TICAM2: variants seen among roughly 807,000 people sequenced by gnomAD.
TICAM2 encodes TIR domain containing adaptor molecule 2.
Under a neutral mutation model 7.3 loss-of-function variants are expected in TICAM2, and 8 were observed. The observed-to-expected ratio is 1.10, with a 90% confidence interval of 0.65 to 1.99. TICAM2 has a LOEUF of 1.99. TICAM2 is among the 30% of genes most tolerant of loss of function. TICAM2 has a pLI of 0.00. For missense variants in TICAM2, 304 were observed against 278.8 expected (o/e 1.09, Z -0.65); for synonymous variants, 113 against 99.6 (o/e 1.13, Z -0.80).
chr5:115,601,671 G>T (rs1434221204), intron 1 of TICAM2, among the ~76,000 whole-genome samples: 1 of 152,176 alleles, frequency 6.6e-6, no homozygotes, highest in African/African-American at 2.4e-5. Flanking sequence ...GCTCACAGCT[G>T]CCAGTCAAAT....
chr5:115,592,397 G>A (rs1755341565), intron 1 of TICAM2, among the ~76,000 whole-genome samples: 2 of 152,246 alleles, frequency 1.3e-5, no homozygotes, highest in Admixed American at 6.5e-5. Flanking sequence ...GGATGTGCAG[G>A]ATTACTACAT....
At chr5:115,585,066 C>A (rs1183226389) in intron 1 of TICAM2, among the ~76,000 whole-genome samples, 1 of 152,184 alleles carries the variant, frequency 6.6e-6, no homozygotes, top group Non-Finnish European at 1.5e-5. Context: ...GAGTGTAAAT[C>A]TCCTTCCTGC....
rs1484339790 is a variant in TICAM2, at chr5:115,602,220, G to C, written c.-183C>G. On this transcript the variant is annotated 5_prime_UTR_variant, in exon 1 of 2. Coordinates refer to ENST00000427199, the MANE Select transcript of TICAM2 (RefSeq NM_021649.7). The stretch of plus-strand genomic sequence containing the variant: ...GAGAGTTTGGGGCCGTCCCGTACGC[G>C]GCGCGCCGCAACCCAGTCCCCGCGA... The C allele has an allele frequency of 2.0e-5, 3 of 152,512 alleles. No individual in the cohort carries two copies. Among genetic ancestry groups the C allele is most frequent in the Non-Finnish European group, 4.4e-5 (3 of 68,288 alleles). The allele number at this position is 152,512 out of a possible 1,614,324, so 9.4% of individuals were successfully genotyped here.
At chr5:115,581,461 A>G in intron 1 of TICAM2, 146 bp from the exon 2 acceptor site, 2 of 1,013,280 alleles carry the variant, frequency 2.0e-6, no homozygotes, top group Non-Finnish European at 2.8e-6. Flanking sequence ...GGGAAGCTAA[A>G]CTACTAATCT....
rs772147287 is a variant in TICAM2, at chr5:115,581,021, AGGAACACC to A, written c.228_235del (p.Glu76AspfsTer11). ...TTCTGCATGCAATATCACAAATTTG[AGGAACACC>A]TCTTCTTCAGCTTCTTCTTCAAACA... On this transcript the variant is annotated frameshift_variant, in exon 2 of 2. Transcript: ENST00000427199. LOFTEE classifies it high-confidence loss of function. The A allele has an allele frequency of 6.2e-7, 1 of 1,614,086 alleles. No individual in the cohort carries two copies. The highest frequency in any genetic ancestry group is 8.5e-7 in the Non-Finnish European group (1 of 1,180,018).
At chr5:115,595,574 T>A (rs914413367) in intron 1 of TICAM2, among the ~76,000 whole-genome samples, 3 of 152,220 alleles carry the variant, frequency 2.0e-5, no homozygotes, top group African/African-American at 4.8e-5. Context: ...CTTTCTGCAA[T>A]GGAAAACTGA....
At position 115,581,315 on chromosome 5, in the gene TICAM2, T is replaced by C. The variant is rs745699376; in HGVS notation, c.-59A>G. 4 of 1,596,174 alleles carry C rather than the reference T, an allele frequency of 2.5e-6. No individual in the cohort carries two copies. The South Asian group carries it at 3.3e-5, about 13-fold the overall frequency. On this transcript the variant is annotated splice_region_variant and 5_prime_UTR_variant, in exon 2 of 2. Coordinates refer to ENST00000427199, the MANE Select transcript of TICAM2 (RefSeq NM_021649.7). ...TGTATTTCTCAGCATTTCTTTTCAA[T>C]CTAAAAGAAGTAACAAAACAGAAGA...
At chr5:115,594,866 C>A (rs1024077900) in intron 1 of TICAM2, among the ~76,000 whole-genome samples, 1 of 152,086 alleles carries the variant, frequency 6.6e-6, no homozygotes, top group East Asian at 1.9e-4. Context: ...TAAATGCTGG[C>A]TAAAGGCGTA....
Position 115,600,046 on chromosome 5 carries a change from A to G in TICAM2, c.-60+2051T>C, listed in dbSNP as rs73254592. On this transcript the variant is annotated intron_variant, in intron 1 of 1. Transcript: ENST00000427199. ...ACTGTGGCTTAGCTTAGAGAGGGAG[A>G]GAGAGGTGGGCAGATCTGGGTAGAG... 8.8e-3 allele frequency among the ~76,000 whole-genome samples: 1,335 copies of G among 152,170 alleles called. 15 individuals are homozygous for G. Among genetic ancestry groups the G allele is most frequent in the African/African-American group, 0.031 (1,269 of 41,486 alleles).
chr5:115,591,190 A>C (rs889967818), intron 1 of TICAM2, among the ~76,000 whole-genome samples: 2 of 152,222 alleles, frequency 1.3e-5, no homozygotes, highest in Non-Finnish European at 2.9e-5. Flanking sequence ...TCAATTTCAG[A>C]AGAGGAAAGC....
intron 1 of TICAM2, among the ~76,000 whole-genome samples, chr5:115,599,007 T>C (rs773272210): frequency 6.6e-6 from 1 of 151,394 alleles, no homozygotes; most frequent in Admixed American, 6.6e-5. Context: ...GGTGGGAAAA[T>C]TGCTTGAGCC....
chr5:115,594,341 T>C (rs1755425939), intron 1 of TICAM2, among the ~76,000 whole-genome samples: 1 of 152,232 alleles, frequency 6.6e-6, no homozygotes, highest in South Asian at 2.1e-4. Flanking sequence ...AACACACATA[T>C]GGTTGTGTGC....
chr5:115,596,083 T>C (rs769226051), intron 1 of TICAM2, among the ~76,000 whole-genome samples: 4 of 152,200 alleles, frequency 2.6e-5, no homozygotes, highest in Non-Finnish European at 5.9e-5. Context: ...TGGGGTATCC[T>C]TGATACCTTC....
intron 1 of TICAM2, among the ~76,000 whole-genome samples, chr5:115,600,987 A>G (rs527266321): frequency 6.6e-6 from 1 of 152,318 alleles, no homozygotes; most frequent in Non-Finnish European, 1.5e-5. Context: ...CAACAGTGTA[A>G]ACATGGTTTA....
chr5:115,591,572 T>TA (rs1383123575), intron 1 of TICAM2, among the ~76,000 whole-genome samples: 1 of 151,710 alleles, frequency 6.6e-6, no homozygotes, highest in Non-Finnish European at 1.5e-5. Flanking sequence ...CTGCAAACTT[T>TA]AAAAAAAGGC....
chr5:115,592,318 G>C lies in TICAM2; in HGVS notation c.-60+9779C>G, dbSNP rs193181263. ...AAGAAATAGACAATTTCTCAAAACA[G>C]ACACAGAAGAAATAACCTGAATTCA... On this transcript the variant is annotated intron_variant, in intron 1 of 1. Transcript: ENST00000427199. 2.7e-4 allele frequency among the ~76,000 whole-genome samples: 41 copies of C among 152,296 alleles called. No homozygotes were observed. In the South Asian group the frequency reaches 8.3e-3, roughly 31 times the overall value.
chr5:115,594,950 A>G (rs951336287), intron 1 of TICAM2, among the ~76,000 whole-genome samples: 7 of 152,120 alleles, frequency 4.6e-5, no homozygotes, highest in Non-Finnish European at 1.0e-4. Context: ...GACTCAATTC[A>G]GTCTGTGAGT....
In TICAM2 at chr5:115,581,308, T is replaced by C. The variant is rs1183686562; in HGVS notation, c.-52A>G. On this transcript the variant is annotated 5_prime_UTR_variant, in exon 2 of 2. Coordinates refer to ENST00000427199, the MANE Select transcript of TICAM2 (RefSeq NM_021649.7). ...AACTTTATGTATTTCTCAGCATTTC[T>C]TTTCAATCTAAAAGAAGTAACAAAA... The C allele has an allele frequency of 6.3e-7, 1 of 1,598,254 alleles. No individual in the cohort carries two copies. Among genetic ancestry groups the C allele is most frequent in the Non-Finnish European group, 8.5e-7 (1 of 1,179,128 alleles).
chr5:115,595,345 C>A (rs537042652), intron 1 of TICAM2, among the ~76,000 whole-genome samples: 2 of 152,280 alleles, frequency 1.3e-5, no homozygotes, highest in Admixed American at 6.5e-5. Context: ...CAAACAAACC[C>A]TCCCCACAAC....
Sources: allele counts gnomAD v4.1 joint callset (sites outside exome capture counted in the v4.1 genomes callset), GRCh38; gene constraint gnomAD v4.1.1; transcripts MANE v1.5; gene names NCBI Gene and HGNC (gene_info 2026-07-23, HGNC 2026-07-21).